Variants in PWWP4 observed in about 807,000 individuals in gnomAD.
The protein encoded by PWWP4 is PWWP domain containing 4, also known as putative PWWP domain-containing DNA repair factor 4.
At chrX:153,266,310 T>C in the PWWP4 span, among the ~76,000 whole-genome samples, 1 of 101,462 alleles carries the variant, frequency 9.9e-6, no homozygotes, top group African/African-American at 3.9e-5. Flanking sequence ...TGTCTGTGTG[T>C]GTGTGTGTGA....
upstream of PWWP4, among the ~76,000 whole-genome samples, chrX:153,270,056 A>G (rs1431602953): frequency 9.2e-6 from 1 of 108,726 alleles, no homozygotes; most frequent in Non-Finnish European, 1.9e-5. Context: ...GTCTGTCTAC[A>G]CATCTCATAT....
upstream of PWWP4, among the ~76,000 whole-genome samples, chrX:153,271,060 CTA>C (rs1370676580): frequency 2.7e-5 from 3 of 112,153 alleles, no homozygotes; most frequent in Non-Finnish European, 5.7e-5. Context: ...TACTAGCACC[CTA>C]GAAATAAAAA....
At chrX:153,269,200 G>A (rs1318115367), upstream of PWWP4, among the ~76,000 whole-genome samples, 82 of 49,984 alleles carry the variant, frequency 1.6e-3, no homozygotes, top group Middle Eastern at 8.8e-3. Context: ...TGTGTGGAGA[G>A]AGAGAGAGAG....
At chrX:153,266,554 T>C in the PWWP4 span, among the ~76,000 whole-genome samples, 1 of 109,325 alleles carries the variant, frequency 9.1e-6, no homozygotes, top group Non-Finnish European at 1.9e-5. Context: ...TGAGGAAGTA[T>C]GTGTCTCTGT....
At chrX:153,276,560 C>T (rs1442213641) in exon 1 of PWWP4, among the ~76,000 whole-genome samples, 12 of 55,562 alleles carry the variant, frequency 2.2e-4, no homozygotes, top group Non-Finnish European at 2.6e-4. Flanking sequence ...GACAGCCGCC[C>T]GAAGAAGGCC....
exon 1 of PWWP4, among the ~76,000 whole-genome samples, chrX:153,272,811 A>G: frequency 8.8e-6 from 1 of 114,025 alleles, no homozygotes; most frequent in Non-Finnish European, 1.9e-5. Context: ...CTTCTACTCC[A>G]GGGACCCTGC....
At chrX:153,266,334 T>G in the PWWP4 span, among the ~76,000 whole-genome samples, 1 of 102,056 alleles carries the variant, frequency 9.8e-6, no homozygotes, top group Non-Finnish European at 2.0e-5. Flanking sequence ...TGTGTGCGTG[T>G]GTGGGTGTGT....
upstream of PWWP4, among the ~76,000 whole-genome samples, chrX:153,271,096 C>T (rs1192070815): frequency 7.9e-5 from 9 of 114,020 alleles, no homozygotes; most frequent in Admixed American, 2.8e-4. Context: ...CCCAGGTTTC[C>T]GCCCAAGGAG....
upstream of PWWP4, among the ~76,000 whole-genome samples, chrX:153,270,341 C>T (rs1267843619): frequency 5.8e-5 from 6 of 103,070 alleles, no homozygotes; most frequent in African/African-American, 1.5e-4. Flanking sequence ...GACTAGCATA[C>T]GCTAAGTGGC....
chrX:153,266,500 A>G, the PWWP4 span, among the ~76,000 whole-genome samples: 2 of 89,042 alleles, frequency 2.2e-5, no homozygotes, highest in African/African-American at 4.5e-5. Flanking sequence ...TGTGTGTGTG[A>G]GGATGTGTGT....
At chrX:153,271,602 C>T (rs1303140922), upstream of PWWP4, among the ~76,000 whole-genome samples, 1 of 106,478 alleles carries the variant, frequency 9.4e-6, no homozygotes, top group Non-Finnish European at 1.9e-5. Flanking sequence ...CCTTAGCTAC[C>T]TTTTCCCAGC....
At chrX:153,271,197 A>G (rs2051805207), upstream of PWWP4, among the ~76,000 whole-genome samples, 1 of 114,367 alleles carries the variant, frequency 8.7e-6, no homozygotes, top group Admixed American at 9.2e-5. Flanking sequence ...CGGAATTGTT[A>G]AAATTAGGAG....
the PWWP4 span, among the ~76,000 whole-genome samples, chrX:153,266,266 G>A: frequency 3.0e-5 from 3 of 99,558 alleles, no homozygotes; most frequent in African/African-American, 3.9e-5. Flanking sequence ...TGTCGGGGGC[G>A]GGGGGGAGGT....
At chrX:153,266,446 CAT>C in the PWWP4 span, among the ~76,000 whole-genome samples, 3 of 76,264 alleles carry the variant, frequency 3.9e-5, no homozygotes, top group East Asian at 1.2e-3. Context: ...GATGCGTGTG[CAT>C]GTGTGTGCGT....
At chrX:153,271,308 C>T (rs1203316654), upstream of PWWP4, among the ~76,000 whole-genome samples, 90 of 111,271 alleles carry the variant, frequency 8.1e-4, no homozygotes, top group Non-Finnish European at 1.5e-3. Flanking sequence ...TCACTTGTCA[C>T]GTTTCCTTAT....
chrX:153,271,363 A>G (rs2051805877), upstream of PWWP4, among the ~76,000 whole-genome samples: 2 of 108,562 alleles, frequency 1.8e-5, no homozygotes, highest in Non-Finnish European at 3.8e-5. Context: ...TCACGAAAGG[A>G]TGCTTTCCTG....
exon 1 of PWWP4, among the ~76,000 whole-genome samples, chrX:153,276,284 C>T (rs1486105296): frequency 1.2e-5 from 1 of 85,687 alleles, no homozygotes; most frequent in Non-Finnish European, 2.3e-5. Context: ...ATTGATCCTA[C>T]TCCAGGTGCC....
the PWWP4 span, among the ~76,000 whole-genome samples, chrX:153,266,148 G>A: frequency 1.3e-5 from 1 of 74,278 alleles, no homozygotes. Flanking sequence ...CAAGGTAAAC[G>A]TTTCTTTCCT....
upstream of PWWP4, among the ~76,000 whole-genome samples, chrX:153,268,965 C>A (rs2051798160): frequency 1.2e-5 from 1 of 82,621 alleles, no homozygotes; most frequent in Non-Finnish European, 2.2e-5. Flanking sequence ...CTGATGCTTA[C>A]TATATTTCCT....
Sources: gnomAD v4.1 joint callset for allele counts (sites outside exome capture counted in the v4.1 genomes callset) on GRCh38, gnomAD v4.1.1 for gene constraint, MANE v1.5 for transcripts, NCBI Gene and HGNC (gene_info 2026-07-23, HGNC 2026-07-21) for gene names.